POLR1D: variants seen among roughly 807,000 people sequenced by gnomAD.
POLR1D encodes RNA polymerase I and III subunit D.
POLR1D carries 8 observed loss-of-function variants against 10.8 expected under a neutral mutation model. The ratio of observed to expected loss-of-function variants is 0.74; its 90% CI spans 0.43 to 1.33. The LOEUF (loss-of-function observed/expected upper bound fraction) is 1.33. Among genes scored for constraint, POLR1D ranks in the 40% most tolerant of loss-of-function variants. The probability of loss-of-function intolerance (pLI) is 0.01; values close to 1 mark genes in which losing one functional copy is unlikely to be tolerated. For missense variants in POLR1D, 152 were observed against 161.7 expected (o/e 0.94, Z 0.32); for synonymous variants, 54 against 57.2 (o/e 0.94, Z 0.25).
At chr13:27,642,109 G>A (rs1423875844) in intron 1 of POLR1D, among the ~76,000 whole-genome samples, 1 of 152,172 alleles carries the variant, frequency 6.6e-6, no homozygotes, top group African/African-American at 2.4e-5. Context: ...TTCAGAGGAT[G>A]TTAACAGGTA....
chr13:27,628,635 G>T (rs1342546962), intron 1 of POLR1D, among the ~76,000 whole-genome samples: 1 of 152,082 alleles, frequency 6.6e-6, no homozygotes, highest in Non-Finnish European at 1.5e-5. Flanking sequence ...TTTCAGCCTT[G>T]TGTTTGTGAC....
chr13:27,633,179 T>A (rs922694450), intron 1 of POLR1D, among the ~76,000 whole-genome samples: 1 of 152,108 alleles, frequency 6.6e-6, no homozygotes, highest in African/African-American at 2.4e-5. Flanking sequence ...CTGATAGATA[T>A]TGCCAGGTAG....
intron 2 of POLR1D, among the ~76,000 whole-genome samples, chr13:27,656,267 A>G (rs1406171999): frequency 1.3e-5 from 2 of 152,218 alleles, no homozygotes. Flanking sequence ...GCCATATATA[A>G]CAGACAAAGG....
At chr13:27,645,077 T>C (rs1474819661) in intron 1 of POLR1D, among the ~76,000 whole-genome samples, 1 of 152,180 alleles carries the variant, frequency 6.6e-6, no homozygotes, top group African/African-American at 2.4e-5. Flanking sequence ...GTTTTCTTCT[T>C]TGGAAGTAAA....
downstream of POLR1D, among the ~76,000 whole-genome samples, chr13:27,625,852 A>C (rs971885451): frequency 2.0e-5 from 3 of 152,138 alleles, no homozygotes; most frequent in African/African-American, 7.2e-5. Context: ...GAAAAATGTC[A>C]CCTGGAGTTA....
At chr13:27,656,107 C>G (rs1326482713) in intron 2 of POLR1D, among the ~76,000 whole-genome samples, 1 of 152,094 alleles carries the variant, frequency 6.6e-6, no homozygotes, top group East Asian at 1.9e-4. Flanking sequence ...GTAGAAACCT[C>G]CCTCAGCCAG....
intron 2 of POLR1D, among the ~76,000 whole-genome samples, chr13:27,654,281 G>T (rs1956290572): frequency 1.3e-5 from 2 of 152,046 alleles, no homozygotes; most frequent in South Asian, 4.1e-4. Context: ...ACCTTGGCTG[G>T]ATCTTCTACT....
Position 27,635,616 on chromosome 13 carries a change from A to G in POLR1D, c.27-12763A>G, listed in dbSNP as rs1265900848. 2.0e-5 allele frequency among the ~76,000 whole-genome samples: 3 copies of G among 151,658 alleles called. No individual in the cohort carries two copies. In the East Asian group the frequency reaches 5.8e-4, roughly 29 times the overall value. On this transcript the variant is annotated intron_variant, in intron 1 of 2. Transcript: ENST00000399697. ...TATCAATAGTCTATCTATGATTACT[A>G]TTAAAATTATAACTATAAAATGATT...
In POLR1D at chr13:27,623,177, T is replaced by C. The variant is rs138256149; in HGVS notation, c.329T>C (p.Val110Ala). ...GAGCTCATGAATGTCTGCCAACATG[T>C]GCTTGACAAGTTTGAGGCCAGCATA... ...LNELMNVCQH[V>A]LDKFEASIKD... The change falls in exon 2 of 2, where the codon GTG becomes GCG. Residue 110 changes from valine to alanine, a missense_variant. By Grantham distance (64) the Val-to-Ala change is moderately conservative. Transcript: ENST00000302979. The C allele has an allele frequency of 1.6e-4, 257 of 1,614,150 alleles. No homozygotes were observed. The African/African-American group carries it at 3.0e-3, about 19-fold the overall frequency.
chr13:27,663,233 AGT>A lies in POLR1D; in HGVS notation c.102-2449_102-2448del, dbSNP rs35536922. Among the ~76,000 whole-genome samples the A allele has an allele frequency of 0.21, 31,314 of 152,000 alleles. 3,699 individuals carry two copies. The highest frequency in any genetic ancestry group is 0.55 in the East Asian group (2,847 of 5,134). On this transcript the variant is annotated intron_variant, in intron 2 of 2. Transcript: ENST00000399697. This position sits in a 1 kb window ranked among gnomAD's most constrained non-coding sequence, Gnocchi z 4.1. ...ATTGCCCTGCCCTATTTATTAGTAG[AGT>A]GTGAATGAGCACTTGTCATCACTTC...
intron 1 of POLR1D, among the ~76,000 whole-genome samples, chr13:27,634,735 G>A (rs1041231267): frequency 6.6e-6 from 1 of 150,840 alleles, no homozygotes; most frequent in African/African-American, 2.4e-5. Context: ...GAGTGCAGTG[G>A]GGTGATCTTG....
chr13:27,645,410 C>G (rs1048314563), intron 1 of POLR1D, among the ~76,000 whole-genome samples: 1 of 152,092 alleles, frequency 6.6e-6, no homozygotes, highest in African/African-American at 2.4e-5. Context: ...TTGCTTTGTT[C>G]CTCTTCCTCA....
intron 1 of POLR1D, chr13:27,648,243 C>T: frequency 1.6e-6 from 1 of 621,802 alleles, no homozygotes. Context: ...AATTGTCAAC[C>T]ATTTAAAAAA....
exon 3 of POLR1D, chr13:27,666,217 G>A (rs1956417519): frequency 5.0e-6 from 2 of 396,770 alleles, no homozygotes; most frequent in Admixed American, 4.0e-5. Context: ...ATCTTGTTTG[G>A]AAGTGTGTTT....
downstream of POLR1D, among the ~76,000 whole-genome samples, chr13:27,624,794 G>A (rs1006203407): frequency 1.3e-5 from 2 of 152,056 alleles, no homozygotes; most frequent in East Asian, 1.9e-4. Flanking sequence ...AAGCTGAGGC[G>A]AGAGGATATC....
At chr13:27,640,656 T>C (rs1412946438) in intron 1 of POLR1D, among the ~76,000 whole-genome samples, 1 of 152,240 alleles carries the variant, frequency 6.6e-6, no homozygotes, top group South Asian at 2.1e-4. Context: ...ATTACTCTTA[T>C]ATTTGTATAT....
At chr13:27,626,204 T>G (rs1455663163), downstream of POLR1D, among the ~76,000 whole-genome samples, 1 of 152,248 alleles carries the variant, frequency 6.6e-6, no homozygotes, top group East Asian at 1.9e-4. Flanking sequence ...ATTACTTACC[T>G]GGAGTTTAAT....
chr13:27,636,814 G>A (rs552049270), intron 1 of POLR1D, among the ~76,000 whole-genome samples: 11 of 152,204 alleles, frequency 7.2e-5, no homozygotes, highest in African/African-American at 2.4e-4. Context: ...CTCTTTGTTA[G>A]CATTGCTCCA....
At position 27,623,350 on chromosome 13, in the gene POLR1D, C is replaced by A; in HGVS notation, c.*100C>A. 6.4e-7 allele frequency: 1 copy of A among 1,569,258 alleles called. No individual in the cohort carries two copies. Among genetic ancestry groups the A allele is most frequent in the Non-Finnish European group, 8.6e-7 (1 of 1,158,358 alleles). ...AGTTTGTGGTTACAGCATACTCTGT[C>A]CTTCAGAAAGGCGTGATTCTAGCTG... On this transcript the variant is annotated 3_prime_UTR_variant, in exon 2 of 2. Transcript: ENST00000302979.
Sources: allele counts gnomAD v4.1 joint callset (sites outside exome capture counted in the v4.1 genomes callset), GRCh38; gene constraint gnomAD v4.1.1; non-coding constraint Gnocchi (gnomAD v3.1); transcripts MANE v1.5; gene names NCBI Gene and HGNC (gene_info 2026-07-23, HGNC 2026-07-21).